Variants in SCLT1 observed in about 807,000 individuals in gnomAD.
The protein encoded by SCLT1 is sodium channel and clathrin linker 1.
SCLT1 carries 78 observed loss-of-function variants against 112.8 expected under a neutral mutation model. The observed-to-expected ratio is 0.69, with a 90% CI of 0.58 to 0.83. The LOEUF is 0.83. Ranked by LOEUF, SCLT1 falls within the 40% of genes least tolerant of loss-of-function variation. SCLT1 has a pLI of 0.00. For missense variants in SCLT1, 747 were observed against 770.4 expected, an observed-to-expected ratio of 0.97 and a Z score of 0.36; for synonymous variants, 257 against 254.7, an observed-to-expected ratio of 1.01 and a Z score of -0.09.
At chr4:128,950,562 G>C (rs1210948284) in intron 14 of SCLT1, among the ~76,000 whole-genome samples, 1 of 151,966 alleles carries the variant, frequency 6.6e-6, no homozygotes, top group African/African-American at 2.4e-5. Context: ...CAAAATAATA[G>C]ATATTTTTTC....
At chr4:128,922,891 T>C (rs530355883) in intron 18 of SCLT1, among the ~76,000 whole-genome samples, 1 of 152,100 alleles carries the variant, frequency 6.6e-6, no homozygotes, top group Non-Finnish European at 1.5e-5. Flanking sequence ...CAGAAGAGAC[T>C]GTGTGACTGC....
At chr4:129,026,406 C>T (rs1746083268) in intron 5 of SCLT1, among the ~76,000 whole-genome samples, 1 of 152,028 alleles carries the variant, frequency 6.6e-6, no homozygotes, top group African/African-American at 2.4e-5. Context: ...TCACTCAAAA[C>T]CACTCAACTA....
chr4:129,042,447 C>T (rs1290705325), intron 4 of SCLT1, among the ~76,000 whole-genome samples: 1 of 151,958 alleles, frequency 6.6e-6, no homozygotes, highest in Non-Finnish European at 1.5e-5. Flanking sequence ...AAATGATAAT[C>T]CATTCTGCAA....
At chr4:128,970,118 C>A (rs1173149653) in intron 10 of SCLT1, among the ~76,000 whole-genome samples, 1 of 152,120 alleles carries the variant, frequency 6.6e-6, no homozygotes, top group Non-Finnish European at 1.5e-5. Flanking sequence ...GATCTTGTAT[C>A]AATTTGCGTT....
intron 18 of SCLT1, among the ~76,000 whole-genome samples, chr4:128,905,918 GTTTA>G (rs1734657919): frequency 6.6e-6 from 1 of 151,064 alleles, no homozygotes; most frequent in Non-Finnish European, 1.5e-5. Flanking sequence ...ATCTTAAATT[GTTTA>G]TTTGTTGGTT....
intron 9 of SCLT1, among the ~76,000 whole-genome samples, chr4:128,991,003 AC>A (rs1742519800): frequency 6.6e-6 from 1 of 151,874 alleles, no homozygotes. Flanking sequence ...TATCCATAGT[AC>A]CCAAAGCAAT....
At chr4:128,912,402 CATTAAA>C (rs2125948702) in intron 18 of SCLT1, among the ~76,000 whole-genome samples, 1 of 152,092 alleles carries the variant, frequency 6.6e-6, no homozygotes, top group Non-Finnish European at 1.5e-5. Flanking sequence ...CGTATTTTTT[CATTAAA>C]ATTAAAAATA....
chr4:128,911,859 C>A (rs1224837962), intron 18 of SCLT1, among the ~76,000 whole-genome samples: 8 of 152,156 alleles, frequency 5.3e-5, no homozygotes, highest in Admixed American at 5.2e-4. Flanking sequence ...GAATTCAATT[C>A]TTATGAAGTA....
chr4:129,050,539 G>T (rs1748680506), intron 2 of SCLT1, among the ~76,000 whole-genome samples: 1 of 152,140 alleles, frequency 6.6e-6, no homozygotes, highest in Non-Finnish European at 1.5e-5. Context: ...TCTTTTTTGA[G>T]AAGTGTCTGT....
At chr4:129,039,874 T>C (rs770151426) in intron 4 of SCLT1, 7 of 267,456 alleles carry the variant, frequency 2.6e-5, no homozygotes, top group Non-Finnish European at 4.2e-5. Context: ...TAAGTGTGAA[T>C]GAGCAAATGG....
intron 17 of SCLT1, among the ~76,000 whole-genome samples, chr4:128,940,952 T>TA (rs1267444274): frequency 2.0e-5 from 3 of 152,172 alleles, no homozygotes; most frequent in Non-Finnish European, 4.4e-5. Flanking sequence ...CACGTTCACT[T>TA]AGAGATACTT....
At chr4:128,973,453 T>G (rs1244885314) in intron 9 of SCLT1, among the ~76,000 whole-genome samples, 69 of 75,174 alleles carry the variant, frequency 9.2e-4, no homozygotes, top group East Asian at 1.9e-3. Context: ...GGGGAAGGAG[T>G]AGTGGGAGGG....
At chr4:128,977,986 A>G (rs1741324850) in intron 9 of SCLT1, among the ~76,000 whole-genome samples, 1 of 152,150 alleles carries the variant, frequency 6.6e-6, no homozygotes, top group Non-Finnish European at 1.5e-5. Flanking sequence ...GATGATGACT[A>G]GATTTGTGAT....
intron 10 of SCLT1, 81 bp downstream of exon 10, chr4:128,970,297 A>C: frequency 1.3e-6 from 1 of 781,788 alleles, no homozygotes; most frequent in Admixed American, 2.1e-5. Flanking sequence ...AACCCTCTTT[A>C]ACACCTAATC....
chr4:129,002,107 A>G (rs1410322948), intron 6 of SCLT1, among the ~76,000 whole-genome samples: 1 of 152,006 alleles, frequency 6.6e-6, no homozygotes, highest in Non-Finnish European at 1.5e-5. Context: ...TTTTAAAACC[A>G]AATTTTCAGG....
Position 128,992,819 on chromosome 4 carries a change from G to T in SCLT1, c.616-582C>A, listed in dbSNP as rs72922097. 4.7e-3 allele frequency among the ~76,000 whole-genome samples: 720 copies of T among 152,012 alleles called. 4 individuals carry two copies. Among genetic ancestry groups the T allele is most frequent in the African/African-American group, 0.016 (660 of 41,508 alleles). ...CACGTTTTGGAACTTTTTCCTGAAG[G>T]TCAGCTTCTGGAGAAATCCACAGTA... On this transcript the variant is annotated intron_variant, in intron 8 of 20. Coordinates refer to ENST00000281142, the MANE Select transcript of SCLT1 (RefSeq NM_144643.4).
rs780130683 is a variant in SCLT1 at position 128,943,049 on chromosome 4, T to A, written c.1579A>T (p.Thr527Ser). 6 of 1,613,156 alleles carry A rather than the reference T, an allele frequency of 3.7e-6. No homozygotes were observed. The highest frequency in any genetic ancestry group is 5.1e-6 in the Non-Finnish European group (6 of 1,179,446). ...AGGGCAATCTTCCTTAAACTCTCAG[T>A]CTCTTTCCGTAACTGTTTATTTTCT... ...QQENKQLRKE[T>S]ESLRKIALEA... Residue 527 changes from threonine to serine, a missense_variant, in exon 17 of 21, where the codon ACT becomes TCT. Transcript: ENST00000281142.
At chr4:129,010,319 C>T (rs940770930) in intron 5 of SCLT1, among the ~76,000 whole-genome samples, 1 of 152,002 alleles carries the variant, frequency 6.6e-6, no homozygotes, top group African/African-American at 2.4e-5. Flanking sequence ...TTACTGTAGC[C>T]CTGCAGTATA....
intron 4 of SCLT1, 74 bp downstream of exon 4, chr4:129,043,319 TAA>T (rs933240969): frequency 1.3e-6 from 1 of 776,648 alleles, no homozygotes; most frequent in African/African-American, 1.8e-5. Flanking sequence ...AATGTCTTTT[TAA>T]AAAGAGGGAG....
Sources: allele counts gnomAD v4.1 joint callset (sites outside exome capture counted in the v4.1 genomes callset), GRCh38; gene constraint gnomAD v4.1.1; transcripts MANE v1.5; gene names NCBI Gene and HGNC (gene_info 2026-07-23, HGNC 2026-07-21).